KCNK2: variants seen among roughly 807,000 people sequenced by gnomAD.
KCNK2 encodes potassium two pore domain channel subfamily K member 2.
Under a neutral mutation model 40.5 loss-of-function variants are expected in KCNK2, and 21 were observed. That is an observed-to-expected ratio of 0.52 (90% CI 0.37 to 0.75). The LOEUF (loss-of-function observed/expected upper bound fraction) is 0.75, where lower values mean the gene tolerates loss of function less well. Among genes scored for constraint, KCNK2 ranks in the 30% least tolerant of loss-of-function variants. The probability of loss-of-function intolerance (pLI) is 0.00; values close to 1 mark genes in which losing one functional copy is unlikely to be tolerated. For missense variants in KCNK2, 399 were observed against 531.6 expected (o/e 0.75, Z 2.45); for synonymous variants, 191 against 202.2 (o/e 0.94, Z 0.47).
Position 215,169,426 on chromosome 1 carries a change from CT to C in KCNK2, c.636+68del. 3 of 1,243,486 alleles carry C rather than the reference CT, an allele frequency of 2.4e-6. No homozygotes were observed. In the South Asian group the frequency reaches 4.2e-5, roughly 17 times the overall value. The allele number at this position is 1,243,486 out of a possible 1,614,324, so 77.0% of individuals were successfully genotyped here. ...ATTTTTTTAAAAAATTATATCTTTT[CT>C]GTCACCTCAGATACAATTAGACATT... On this transcript the variant is annotated intron_variant, in intron 4 of 6. Coordinates refer to ENST00000444842, the MANE Select transcript of KCNK2 (RefSeq NM_001017425.3).
intron 1 of KCNK2, among the ~76,000 whole-genome samples, chr1:215,027,794 C>G (rs1185156376): frequency 6.6e-6 from 1 of 152,058 alleles, no homozygotes; most frequent in Non-Finnish European, 1.5e-5. Flanking sequence ...TTTGATAGAC[C>G]TCATCTATGA....
At chr1:215,061,419 T>A (rs1325615512) in intron 1 of KCNK2, among the ~76,000 whole-genome samples, 1 of 152,160 alleles carries the variant, frequency 6.6e-6, no homozygotes, top group Non-Finnish European at 1.5e-5. Context: ...TTAGTTTCAA[T>A]GTTCCTCTTA....
At chr1:215,117,720 G>A (rs1485704725) in intron 2 of KCNK2, among the ~76,000 whole-genome samples, 2 of 152,088 alleles carry the variant, frequency 1.3e-5, no homozygotes, top group African/African-American at 2.4e-5. Flanking sequence ...TTTTCAAGAA[G>A]TTGTTTGCTT....
intron 6 of KCNK2, among the ~76,000 whole-genome samples, chr1:215,199,943 C>T (rs1665015613): frequency 6.6e-6 from 1 of 152,096 alleles, no homozygotes; most frequent in African/African-American, 2.4e-5. Context: ...TCTATCGATG[C>T]CCAAGCACCG....
chr1:215,023,164 A>G (rs1656868329), intron 1 of KCNK2, among the ~76,000 whole-genome samples: 1 of 152,170 alleles, frequency 6.6e-6, no homozygotes, highest in African/African-American at 2.4e-5. Flanking sequence ...TTTCCAAAAA[A>G]TCCCTTCTTG....
At chr1:215,206,976 T>C (rs1439155794) in intron 6 of KCNK2, among the ~76,000 whole-genome samples, 1 of 152,208 alleles carries the variant, frequency 6.6e-6, no homozygotes, top group Non-Finnish European at 1.5e-5. Flanking sequence ...CTTGGCCATT[T>C]CACTTCTCAA....
chr1:215,043,038 C>T (rs568281342), intron 1 of KCNK2, among the ~76,000 whole-genome samples: 10 of 152,308 alleles, frequency 6.6e-5, no homozygotes, highest in African/African-American at 1.9e-4. Context: ...TGCCCATGAT[C>T]ATGTGATAAA....
intron 6 of KCNK2, among the ~76,000 whole-genome samples, chr1:215,213,627 A>T (rs759654271): frequency 1.1e-4 from 16 of 152,186 alleles, no homozygotes; most frequent in Non-Finnish European, 1.3e-4. Flanking sequence ...AAAAGAAGTT[A>T]TCCTAATTTT....
chr1:215,109,943 G>T (rs905533607), intron 2 of KCNK2, among the ~76,000 whole-genome samples: 11 of 151,926 alleles, frequency 7.2e-5, no homozygotes, highest in Admixed American at 4.6e-4. Flanking sequence ...TCTCATTGTG[G>T]TTTTAATTTT....
chr1:215,025,404 T>C (rs1335613354), intron 1 of KCNK2, among the ~76,000 whole-genome samples: 1 of 152,068 alleles, frequency 6.6e-6, no homozygotes, highest in Non-Finnish European at 1.5e-5. Context: ...TTTTTCTGTT[T>C]CCTTATTTGT....
Position 215,010,546 on chromosome 1 carries a change from C to A in KCNK2, c.34+4591C>A, listed in dbSNP as rs977663955. Among the ~76,000 whole-genome samples, 116 of 152,230 alleles carry A rather than the reference C, an allele frequency of 7.6e-4. 1 individual carries two copies. Among genetic ancestry groups the A allele is most frequent in the Non-Finnish European group, 6.5e-4 (44 of 68,010 alleles). ...GAGAGAAACAGACTCTAAGGTTAGACTAAGTGCAGCAGAGCTAATAGAGGT... is the reference window on the plus strand; with the variant it reads ...GAGAGAAACAGACTCTAAGGTTAGAATAAGTGCAGCAGAGCTAATAGAGGT... On this transcript the variant is annotated intron_variant, in intron 1 of 6. Coordinates refer to the KCNK2 transcript ENST00000391895.
At chr1:215,117,437 G>A (rs1276682128) in intron 2 of KCNK2, among the ~76,000 whole-genome samples, 1 of 152,016 alleles carries the variant, frequency 6.6e-6, no homozygotes, top group Admixed American at 6.6e-5. Context: ...GAGCCTAATC[G>A]ATTGATATGC....
In KCNK2 at chr1:215,236,735, C is replaced by A; in HGVS notation, c.*1590C>A. 1 of 151,700 alleles carries A rather than the reference C, an allele frequency of 6.6e-6. No individual in the cohort carries two copies. Among genetic ancestry groups the A allele is most frequent in the South Asian group, 2.1e-4 (1 of 4,806 alleles). 9.4% of individuals were successfully genotyped at this position (151,700 alleles called of 1,614,324 possible). ...AAAATAATTTCCCTAAATATAATTG[C>A]AAACTGATTTCTTTTACTTTTTTGT... On this transcript the variant is annotated 3_prime_UTR_variant, in exon 7 of 7. Coordinates refer to ENST00000444842, the MANE Select transcript of KCNK2 (RefSeq NM_001017425.3).
chr1:215,178,835 T>G (rs1241925393), intron 5 of KCNK2, among the ~76,000 whole-genome samples: 1 of 152,142 alleles, frequency 6.6e-6, no homozygotes, highest in East Asian at 1.9e-4. Context: ...TGCCATATTT[T>G]GTTATCAAAG....
intron 1 of KCNK2, among the ~76,000 whole-genome samples, chr1:215,075,244 C>T (rs547635127): frequency 1.6e-4 from 25 of 152,110 alleles, no homozygotes; most frequent in Admixed American, 7.8e-4. Context: ...TTAATGTAAG[C>T]AAATATGCAA....
In KCNK2 at chr1:215,082,826, A is replaced by C. The variant is rs529378927; in HGVS notation, c.-560A>C. On this transcript the variant is annotated 5_prime_UTR_variant, in exon 1 of 7. Coordinates refer to ENST00000444842, the MANE Select transcript of KCNK2 (RefSeq NM_001017425.3). The stretch of plus-strand genomic sequence containing the variant: ...TGCGGGCGCCCGGACCGTGCCACAC[A>C]CCCCCCGCGGGGCACGGAGGGCATT... Among the ~76,000 whole-genome samples, 116 of 151,606 alleles carry C rather than the reference A, an allele frequency of 7.7e-4. 1 individual carries two copies. The highest frequency in any genetic ancestry group is 3.4e-3 in the Middle Eastern group (1 of 292).
chr1:215,122,069 C>T (rs989409922), intron 2 of KCNK2, among the ~76,000 whole-genome samples: 1 of 151,800 alleles, frequency 6.6e-6, no homozygotes, highest in Non-Finnish European at 1.5e-5. Flanking sequence ...ACAGCAATAA[C>T]CAATTATAAT....
chr1:215,167,999 C>A lies in KCNK2; in HGVS notation c.476-1200C>A, dbSNP rs150570761. Among the ~76,000 whole-genome samples, 6 of 152,098 alleles carry A rather than the reference C, an allele frequency of 3.9e-5. No individual in the cohort carries two copies. In the East Asian group the frequency reaches 1.2e-3, roughly 29 times the overall value. Reference sequence around the variant, plus strand: ...TAACAAGTCTAATATCCAGAATCTACAAGGAACTTAAACACATTAACAAGA... The same window carrying A: ...TAACAAGTCTAATATCCAGAATCTAAAAGGAACTTAAACACATTAACAAGA... On this transcript the variant is annotated intron_variant, in intron 3 of 6. Coordinates refer to ENST00000444842, the MANE Select transcript of KCNK2 (RefSeq NM_001017425.3).
upstream of KCNK2, among the ~76,000 whole-genome samples, chr1:215,081,492 A>T (rs748414089): frequency 6.6e-6 from 1 of 151,944 alleles, no homozygotes; most frequent in Non-Finnish European, 1.5e-5. Context: ...TTTTTTTTTA[A>T]TAGGGGAAAG....
Sources: gnomAD v4.1 joint callset for allele counts (sites outside exome capture counted in the v4.1 genomes callset) on GRCh38, gnomAD v4.1.1 for gene constraint, MANE v1.5 for transcripts, NCBI Gene and HGNC (gene_info 2026-07-23, HGNC 2026-07-21) for gene names.